The following SUCLG2 variants were observed in gnomAD, a reference collection of about 807,000 sequenced individuals.
SUCLG2 encodes succinate--CoA ligase [GDP-forming] subunit beta, mitochondrial.
A neutral mutation model predicts 47.9 loss-of-function variants in SUCLG2; 42 were observed. That is an observed-to-expected ratio of 0.88 (90% CI 0.69 to 1.14). The LOEUF (loss-of-function observed/expected upper bound fraction) is 1.14. Ranked by LOEUF, SUCLG2 falls within the 50% of genes most tolerant of loss-of-function variation. The pLI is 0.00. For missense variants in SUCLG2, 571 were observed against 525.9 expected (o/e 1.09, Z -0.84); for synonymous variants, 195 against 197.3 (o/e 0.99, Z 0.10).
chr3:67,474,788 T>A (rs1178504513), intron 9 of SUCLG2, among the ~76,000 whole-genome samples: 1 of 151,962 alleles, frequency 6.6e-6, no homozygotes, highest in African/African-American at 2.4e-5. Context: ...TTCTTACAAG[T>A]CTTTTAAACT....
At chr3:67,360,796 G>C (rs1701793162) in intron 10 of SUCLG2, 2 of 1,489,194 alleles carry the variant, frequency 1.3e-6, no homozygotes, top group South Asian at 2.6e-5. Flanking sequence ...TTCTTGTAAT[G>C]AGTTTTTTCT....
intron 9 of SUCLG2, among the ~76,000 whole-genome samples, chr3:67,412,301 A>G (rs1028074340): frequency 6.6e-6 from 1 of 152,184 alleles, no homozygotes. Context: ...TCTCTCATCC[A>G]TGGTTAACCT....
chr3:67,522,124 G>A (rs1210939325), intron 4 of SUCLG2, among the ~76,000 whole-genome samples: 7 of 151,804 alleles, frequency 4.6e-5, no homozygotes, highest in Non-Finnish European at 7.4e-5. Context: ...GCACAATCGT[G>A]GCTCACTGCA....
chr3:67,521,533 T>C (rs1054948921), intron 4 of SUCLG2, among the ~76,000 whole-genome samples: 5 of 152,138 alleles, frequency 3.3e-5, no homozygotes, highest in African/African-American at 1.2e-4. Context: ...TCTGCAAGCA[T>C]TGCAGTAATG....
chr3:67,437,502 C>T (rs894306730), intron 9 of SUCLG2, among the ~76,000 whole-genome samples: 7 of 152,116 alleles, frequency 4.6e-5, no homozygotes, highest in East Asian at 3.8e-4. Flanking sequence ...CTTGGTAATA[C>T]GGCTTATTCA....
intron 2 of SUCLG2, among the ~76,000 whole-genome samples, chr3:67,586,160 C>T (rs1207163153): frequency 2.6e-5 from 4 of 152,078 alleles, no homozygotes; most frequent in Admixed American, 1.3e-4. Flanking sequence ...GAAACAATTA[C>T]TTCTATTTTT....
chr3:67,552,729 T>G (rs2772469), intron 2 of SUCLG2, among the ~76,000 whole-genome samples: 40,800 of 152,060 alleles, frequency 0.27, 8,826 homozygotes, highest in African/African-American at 0.58. Flanking sequence ...TATCTCATGG[T>G]TTATTGGGAG....
chr3:67,405,822 C>T lies in SUCLG2; in HGVS notation c.1063-4971G>A, dbSNP rs369714656. On this transcript the variant is annotated intron_variant, in intron 9 of 10. Transcript: ENST00000307227. ...CTATCACAAATACAACCATAATTAA[C>T]GTTACTAAAGCATTTAGCAGGTTGT... Among the ~76,000 whole-genome samples, 136 of 152,234 alleles carry T rather than the reference C, an allele frequency of 8.9e-4. No homozygotes were observed. The South Asian group carries it at 0.025, about 28-fold the overall frequency.
At chr3:67,414,724 A>C (rs903922274) in intron 9 of SUCLG2, among the ~76,000 whole-genome samples, 4 of 152,190 alleles carry the variant, frequency 2.6e-5, no homozygotes, top group Non-Finnish European at 5.9e-5. Flanking sequence ...TAATCTGTGT[A>C]TCTCCCACAA....
chr3:67,400,695 G>A, intron 10 of SUCLG2, 36 bp downstream of exon 10: 1 of 1,602,900 alleles, frequency 6.2e-7, no homozygotes. Context: ...CCTTGGAGAA[G>A]GGGTGCTGGC....
chr3:67,420,525 A>G (rs1703133009), intron 9 of SUCLG2, among the ~76,000 whole-genome samples: 1 of 152,028 alleles, frequency 6.6e-6, no homozygotes, highest in Admixed American at 6.6e-5. Context: ...ATAATAGACT[A>G]TTTTCTTGTT....
At chr3:67,516,418 A>G (rs965710356) in intron 6 of SUCLG2, among the ~76,000 whole-genome samples, 5 of 152,186 alleles carry the variant, frequency 3.3e-5, no homozygotes, top group Non-Finnish European at 7.3e-5. Context: ...AGGGGGCAGT[A>G]TCTTGTGATG....
Position 67,609,436 on chromosome 3 carries a change from C to G in SUCLG2, c.226+19G>C, listed in dbSNP as rs1305456457. On this transcript the variant is annotated intron_variant, in intron 2 of 10. Coordinates refer to ENST00000307227, the MANE Select transcript of SUCLG2 (RefSeq NM_003848.4). Reference sequence around the variant, plus strand: ...ACTGATTTGGGCAAGTGTATTTCACCCATTATGAATCAGCTTACTTAGTCT... The same window carrying G: ...ACTGATTTGGGCAAGTGTATTTCACGCATTATGAATCAGCTTACTTAGTCT... The G allele has an allele frequency of 6.2e-7, 1 of 1,605,414 alleles. No individual in the cohort carries two copies.
chr3:67,590,628 G>C (rs56157830), intron 2 of SUCLG2, among the ~76,000 whole-genome samples: 74,291 of 151,960 alleles, frequency 0.49, 18,603 homozygotes, highest in Admixed American at 0.56. Flanking sequence ...ATGATATTAA[G>C]TTCCTCGAGG....
chr3:67,367,654 T>C (rs1701893968), intron 10 of SUCLG2, among the ~76,000 whole-genome samples: 2 of 152,200 alleles, frequency 1.3e-5, no homozygotes, highest in Non-Finnish European at 2.9e-5. Context: ...CCTTGGCCTC[T>C]ACCTACTAGA....
chr3:67,421,410 T>C (rs993076079), intron 9 of SUCLG2, among the ~76,000 whole-genome samples: 5 of 152,170 alleles, frequency 3.3e-5, no homozygotes, highest in African/African-American at 7.2e-5. Flanking sequence ...ATGCATAACA[T>C]TTCACTAGCA....
In SUCLG2 at chr3:67,536,400, C is replaced by A. The variant is rs188436801; in HGVS notation, c.227-7214G>T. Among the ~76,000 whole-genome samples, 41 of 152,304 alleles carry A rather than the reference C, an allele frequency of 2.7e-4. No homozygotes were observed. In the East Asian group the frequency reaches 7.7e-3, roughly 29 times the overall value. ...TATTTAAATCTGTTCCTCTCTCAGA[C>A]CCTCCTCCATTGGTGATAGGCGCCC... On this transcript the variant is annotated intron_variant, in intron 2 of 10. Coordinates refer to ENST00000307227, the MANE Select transcript of SUCLG2 (RefSeq NM_003848.4).
At chr3:67,587,189 G>A (rs1293569771) in intron 2 of SUCLG2, among the ~76,000 whole-genome samples, 1 of 152,170 alleles carries the variant, frequency 6.6e-6, no homozygotes, top group Non-Finnish European at 1.5e-5. Context: ...TTCCCTCGGT[G>A]ACTGAGAGGC....
chr3:67,625,077 T>C (rs1308462400), intron 1 of SUCLG2, among the ~76,000 whole-genome samples: 1 of 152,150 alleles, frequency 6.6e-6, no homozygotes, highest in Admixed American at 6.5e-5. Context: ...TAATGACTCT[T>C]CTTTTAGGAA....
Sources: allele counts gnomAD v4.1 joint callset (sites outside exome capture counted in the v4.1 genomes callset), GRCh38; gene constraint gnomAD v4.1.1; transcripts MANE v1.5; gene names NCBI Gene and HGNC (gene_info 2026-07-23, HGNC 2026-07-21).